PFKP: variants seen among roughly 807,000 people sequenced by gnomAD.
PFKP encodes phosphofructokinase, platelet.
A neutral mutation model predicts 94.3 loss-of-function variants in PFKP; 101 were observed. The ratio of observed to expected loss-of-function variants is 1.07; its 90% CI spans 0.91 to 1.26. The LOEUF (loss-of-function observed/expected upper bound fraction) is 1.26. Ranked by LOEUF, PFKP falls within the 50% of genes most tolerant of loss-of-function variation. The pLI is 0.00. For missense variants in PFKP, 1,145 were observed against 1,103.3 expected (o/e 1.04, Z -0.53); for synonymous variants, 573 against 432.6 (o/e 1.32, Z -4.03).
At chr10:3,116,730 C>G in intron 13 of PFKP, 46 bp from the exon 14 acceptor site, 2 of 1,455,406 alleles carry the variant, frequency 1.4e-6, no homozygotes, top group East Asian at 2.3e-5. Context: ...TGCAACTTGC[C>G]TTTCATTGTT....
chr10:3,077,395 G>T (rs1182515422), intron 1 of PFKP, among the ~76,000 whole-genome samples: 1 of 150,702 alleles, frequency 6.6e-6, no homozygotes, highest in African/African-American at 2.4e-5. Flanking sequence ...CCAAGTAGCT[G>T]GGACTGCAGG....
intron 1 of PFKP, among the ~76,000 whole-genome samples, chr10:3,074,219 C>A (rs1431152654): frequency 6.6e-6 from 1 of 152,140 alleles, no homozygotes; most frequent in Non-Finnish European, 1.5e-5. Flanking sequence ...GGCAAAAGAA[C>A]CAGGCCCTTT....
intron 2 of PFKP, among the ~76,000 whole-genome samples, chr10:3,092,782 T>C (rs1834147536): frequency 6.6e-6 from 1 of 152,238 alleles, no homozygotes; most frequent in South Asian, 2.1e-4. Flanking sequence ...GCTCCTGCTT[T>C]TACAATTTTT....
intron 3 of PFKP, chr10:3,101,065 C>T: frequency 1.6e-6 from 2 of 1,287,140 alleles, no homozygotes; most frequent in Non-Finnish European, 2.3e-6. Context: ...GCTGAGGCGG[C>T]TGCTGTGACA....
intron 5 of PFKP, 92 bp downstream of exon 5, chr10:3,104,036 T>C: frequency 8.5e-7 from 1 of 1,176,564 alleles, no homozygotes; most frequent in Non-Finnish European, 1.2e-6. Context: ...ATTCTGCAGA[T>C]TGGGTGTCCT....
At chr10:3,088,264 C>G (rs542473962) in intron 2 of PFKP, among the ~76,000 whole-genome samples, 1 of 150,360 alleles carries the variant, frequency 6.7e-6, no homozygotes, top group African/African-American at 2.5e-5. Flanking sequence ...TTTGTCCTTG[C>G]GATAGTTTGC....
intron 16 of PFKP, chr10:3,129,279 C>T (rs1348032349): frequency 1.3e-5 from 2 of 152,282 alleles, no homozygotes; most frequent in African/African-American, 4.8e-5. Context: ...CCACCATCTG[C>T]CTTTGAGTAG....
In PFKP at chr10:3,129,989, T is replaced by A. The variant is rs749345365; in HGVS notation, c.1848+6T>A. 12 of 1,566,176 alleles carry A rather than the reference T, an allele frequency of 7.7e-6. No individual in the cohort carries two copies. Among genetic ancestry groups the A allele is most frequent in the Non-Finnish European group, 1.0e-5 (12 of 1,152,990 alleles). On this transcript the variant is annotated splice_donor_region_variant and intron_variant, in intron 17 of 21. Coordinates refer to ENST00000381125, the MANE Select transcript of PFKP (RefSeq NM_002627.5). ...TCGACATCAGGGATCTGCAGGTATG[T>A]GACGGGGCTGGCCTCAGGGCCCGTC...
chr10:3,075,997 G>A (rs1326848256), intron 1 of PFKP, among the ~76,000 whole-genome samples: 2 of 114,208 alleles, frequency 1.8e-5, no homozygotes, highest in Admixed American at 1.4e-4. Context: ...CGGCCTGGGC[G>A]ACAGAGCGAG....
At chr10:3,133,580 A>C (rs1838861253) in intron 19 of PFKP, among the ~76,000 whole-genome samples, 1 of 152,106 alleles carries the variant, frequency 6.6e-6, no homozygotes, top group Non-Finnish European at 1.5e-5. Flanking sequence ...ATAGGCACCC[A>C]CCACCACACC....
intron 21 of PFKP, 103 bp downstream of exon 21, chr10:3,135,941 G>A (rs1839234710): frequency 2.7e-6 from 2 of 728,600 alleles, no homozygotes; most frequent in South Asian, 1.7e-5. Context: ...GGGGTTTGAG[G>A]AACTGGCTTT....
chr10:3,105,767 G>A (rs571033952), intron 7 of PFKP, among the ~76,000 whole-genome samples: 19 of 152,292 alleles, frequency 1.2e-4, no homozygotes, highest in African/African-American at 2.4e-4. Context: ...GCCTAACTCC[G>A]GCAGGCAGAC....
At chr10:3,123,507 G>A (rs965077160) in intron 16 of PFKP, among the ~76,000 whole-genome samples, 2 of 152,168 alleles carry the variant, frequency 1.3e-5, no homozygotes, top group Non-Finnish European at 2.9e-5. Context: ...TCAATGTGGA[G>A]TTAAGCTGCC....
At chr10:3,095,161 A>C (rs1834370005) in intron 2 of PFKP, among the ~76,000 whole-genome samples, 1 of 118,772 alleles carries the variant, frequency 8.4e-6, no homozygotes, top group Non-Finnish European at 2.1e-5. Context: ...TACTGCTGCA[A>C]CACAACGGTA....
In PFKP at chr10:3,099,570, C is replaced by T. The variant is rs188216743; in HGVS notation, c.264+218C>T. ...ACTTGTTAATAGAAATAATCCAAAT[C>T]GGTGCCTCCCCGCTGAAGACGCTCA... On this transcript the variant is annotated intron_variant, in intron 3 of 21. Coordinates refer to ENST00000381125, the MANE Select transcript of PFKP (RefSeq NM_002627.5). 3.7e-3 allele frequency among the ~76,000 whole-genome samples: 563 copies of T among 152,332 alleles called. 4 individuals are homozygous for T. The highest frequency in any genetic ancestry group is 0.012 in the African/African-American group (499 of 41,568).
chr10:3,076,823 C>T (rs762330437), intron 1 of PFKP, among the ~76,000 whole-genome samples: 178 of 152,244 alleles, frequency 1.2e-3, no homozygotes, highest in Non-Finnish European at 2.1e-3. Context: ...CTAGAAGACA[C>T]GGTGGTCTGC....
At chr10:3,108,363 T>A (rs1835841822) in intron 8 of PFKP, among the ~76,000 whole-genome samples, 1 of 152,226 alleles carries the variant, frequency 6.6e-6, no homozygotes, top group South Asian at 2.1e-4. Flanking sequence ...GATGTTTACA[T>A]TTTTTGTAAA....
intron 13 of PFKP, among the ~76,000 whole-genome samples, chr10:3,114,939 A>T (rs12250915): frequency 0.62 from 94,971 of 152,056 alleles, 30,902 homozygotes; most frequent in East Asian, 0.84. Flanking sequence ...CAGGGCTCCC[A>T]GCCGGGGCTT....
At chr10:3,102,905 G>A (rs8181285) in intron 4 of PFKP, among the ~76,000 whole-genome samples, 71,616 of 152,100 alleles carry the variant, frequency 0.47, 17,043 homozygotes, top group East Asian at 0.64. Flanking sequence ...ACCTCATCCC[G>A]TCTGGCACAG....
Sources: gnomAD v4.1 joint callset for allele counts (sites outside exome capture counted in the v4.1 genomes callset) on GRCh38, gnomAD v4.1.1 for gene constraint, MANE v1.5 for transcripts, NCBI Gene and HGNC (gene_info 2026-07-23, HGNC 2026-07-21) for gene names.